GOSR2: variants seen among roughly 807,000 people sequenced by gnomAD.
GOSR2 encodes the protein 27 kDa Golgi SNARE protein.
A neutral mutation model predicts 27.9 loss-of-function variants in GOSR2; 20 were observed. The ratio of observed to expected loss-of-function variants is 0.72; its 90% CI spans 0.50 to 1.04. GOSR2 has a LOEUF of 1.04. Ranked by LOEUF, GOSR2 falls within the 50% of genes least tolerant of loss-of-function variation. GOSR2 has a pLI of 0.00. For synonymous variants in GOSR2, 91 were observed against 98.8 expected, an observed-to-expected ratio of 0.92 and a Z score of 0.47; for missense variants, 261 against 270.5, an observed-to-expected ratio of 0.97 and a Z score of 0.25.
rs2087485301 is a variant in GOSR2 at position 46,932,134 on chromosome 17, C to T, written c.271C>T (p.Arg91Cys). ...QTALRNFQHR[R>C]HAREQQERQR... ...TGCGCTCAGAAACTTCCAGCATCGG[C>T]GCCATGCAAGGGAGCAGCAGGAGAG... The change falls in exon 4 of 6, where the codon CGC becomes TGC. Residue 91 changes from arginine to cysteine, a missense_variant. Arg to Cys is a radical substitution (Grantham distance 180). Coordinates refer to ENST00000640051, the MANE Select transcript of GOSR2 (RefSeq NM_004287.5). The T allele has an allele frequency of 8.7e-6, 14 of 1,613,932 alleles. 1 individual carries two copies. The highest frequency in any genetic ancestry group is 3.3e-5 in the Admixed American group (2 of 60,018).
chr17:46,941,602 C>T lies in GOSR2; in HGVS notation c.*2842C>T, dbSNP rs763378903. 4.7e-5 allele frequency: 10 copies of T among 212,638 alleles called. No individual in the cohort carries two copies. The highest frequency in any genetic ancestry group is 5.7e-5 in the Non-Finnish European group (7 of 123,494). The allele number at this position is 212,638 out of a possible 1,614,324, so 13.2% of individuals were successfully genotyped here. ...TTTTATTTTTTATTTTTGAGACAGT[C>T]TCGCTCTGTCACCCAGGCTGGAGTG... On this transcript the variant is annotated 3_prime_UTR_variant, in exon 6 of 6. Transcript: ENST00000640051.
chr17:46,930,810 A>T (rs1376919816), intron 2 of GOSR2: 8 of 366,020 alleles, frequency 2.2e-5, no homozygotes, highest in Non-Finnish European at 3.0e-5. Flanking sequence ...CAACCTTTGC[A>T]TGTTTATTTT....
At chr17:46,924,347 G>A (rs1294296298) in intron 1 of GOSR2, 1 of 152,418 alleles carries the variant, frequency 6.6e-6, no homozygotes, top group African/African-American at 2.4e-5. Flanking sequence ...ACCACATTTT[G>A]TTATCCATTC....
intron 6 of GOSR2, among the ~76,000 whole-genome samples, chr17:46,950,531 G>A (rs975682056): frequency 2.2e-4 from 33 of 152,234 alleles, no homozygotes; most frequent in Admixed American, 1.0e-3. Flanking sequence ...GGAAATGGAA[G>A]GGTAATTGGA....
intron 1 of GOSR2, among the ~76,000 whole-genome samples, 189 bp from the exon 2 acceptor site, chr17:46,929,331 T>C (rs532139651): frequency 6.6e-6 from 1 of 152,328 alleles, no homozygotes; most frequent in African/African-American, 2.4e-5. Flanking sequence ...ATCAGTGTTA[T>C]TGTTAGTAGT....
At chr17:46,964,486 A>G (rs1363639936) in intron 6 of GOSR2, 2 of 152,394 alleles carry the variant, frequency 1.3e-5, no homozygotes, top group Non-Finnish European at 2.9e-5. Flanking sequence ...AGTGTTCAGC[A>G]CCACGGACAG....
intron 1 of GOSR2, among the ~76,000 whole-genome samples, chr17:46,927,122 G>T (rs2086613710): frequency 6.6e-6 from 1 of 152,088 alleles, no homozygotes; most frequent in Non-Finnish European, 1.5e-5. Flanking sequence ...TGATCTCATT[G>T]CTTTTCATTT....
rs561470914 is a variant in GOSR2 at position 46,940,252 on chromosome 17, T to G, written c.*1492T>G. On this transcript the variant is annotated 3_prime_UTR_variant, in exon 6 of 6. Transcript: ENST00000640051. ...TTTCCTGGATGCTAATTTCACACTT[T>G]CGGTTGGAGGAGATCTCCATTGTTC... 1 of 1,423,616 alleles carries G rather than the reference T, an allele frequency of 7.0e-7. No homozygotes were observed. The highest frequency in any genetic ancestry group is 9.1e-7 in the Non-Finnish European group (1 of 1,093,216). 88.2% of individuals were successfully genotyped at this position (1,423,616 alleles called of 1,614,324 possible).
rs886053081 is a variant in GOSR2, at chr17:46,939,564, A to G, written c.*804A>G. The stretch of plus-strand genomic sequence containing the variant: ...TGTGGGCCTTTGCCCCTTAGAAAGT[A>G]GCTGTAGGCAAAGATTTGTGATTTT... On this transcript the variant is annotated 3_prime_UTR_variant, in exon 6 of 6. Transcript: ENST00000640051. The G allele has an allele frequency of 1.0e-5, 10 of 985,334 alleles. No individual in the cohort carries two copies. The highest frequency in any genetic ancestry group is 1.1e-5 in the Non-Finnish European group (9 of 829,790). 61.0% of individuals were successfully genotyped at this position (985,334 alleles called of 1,614,324 possible). A position where few individuals can be genotyped will look rare whatever the true frequency, so the allele number is the denominator to read the frequency against.
chr17:46,950,866 T>C (rs1341281202), intron 6 of GOSR2, among the ~76,000 whole-genome samples: 2 of 152,184 alleles, frequency 1.3e-5, no homozygotes, highest in African/African-American at 4.8e-5. Flanking sequence ...CAAGCCAGAC[T>C]TTCTGGGGGA....
In GOSR2 at chr17:46,941,346, G is replaced by A; in HGVS notation, c.*2586G>A. On this transcript the variant is annotated 3_prime_UTR_variant, in exon 6 of 6. Transcript: ENST00000640051. The stretch of plus-strand genomic sequence containing the variant: ...AGCACATCAGCTGAATAAAGTTGAG[G>A]TTTATTTTATTTAGAAAATCACATT... 7 of 984,196 alleles carry A rather than the reference G, an allele frequency of 7.1e-6. No individual in the cohort carries two copies. Among genetic ancestry groups the A allele is most frequent in the Non-Finnish European group, 8.4e-6 (7 of 828,880 alleles). The allele number at this position is 984,196 out of a possible 1,614,324, so 61.0% of individuals were successfully genotyped here. A position where few individuals can be genotyped will look rare whatever the true frequency, so the allele number is the denominator to read the frequency against.
intron 6 of GOSR2, among the ~76,000 whole-genome samples, chr17:46,963,347 C>T (rs764756606): frequency 1.6e-4 from 25 of 152,040 alleles, no homozygotes; most frequent in Non-Finnish European, 3.2e-4. Flanking sequence ...GAGTTTGAGA[C>T]CAGCCTGAAC....
chr17:46,934,339 C>G (rs1023273997), intron 4 of GOSR2, among the ~76,000 whole-genome samples: 3 of 151,940 alleles, frequency 2.0e-5, no homozygotes, highest in African/African-American at 7.3e-5. Flanking sequence ...CCTGTCTCTA[C>G]CAAAAATACA....
intron 6 of GOSR2, among the ~76,000 whole-genome samples, chr17:46,975,000 T>C (rs984124219): frequency 6.7e-6 from 1 of 149,626 alleles, no homozygotes; most frequent in Non-Finnish European, 1.5e-5. Context: ...TTTTTTTTTT[T>C]TTTTTTTTTT....
chr17:46,928,334 G>A (rs2086799043), intron 1 of GOSR2, among the ~76,000 whole-genome samples: 1 of 152,156 alleles, frequency 6.6e-6, no homozygotes, highest in Non-Finnish European at 1.5e-5. Flanking sequence ...GTAGATTTGG[G>A]GTCCTGGTTT....
chr17:46,953,268 A>G (rs544647624), intron 6 of GOSR2, among the ~76,000 whole-genome samples: 4 of 151,690 alleles, frequency 2.6e-5, no homozygotes, highest in African/African-American at 9.7e-5. Flanking sequence ...TCATTGTTCA[A>G]TTCCCACCTA....
chr17:46,972,014 G>T (rs879820276), intron 6 of GOSR2, among the ~76,000 whole-genome samples: 2 of 152,170 alleles, frequency 1.3e-5, no homozygotes, highest in Non-Finnish European at 2.9e-5. Context: ...CAGGGCACGT[G>T]GGGGAGAGGG....
chr17:46,940,795 GT>G lies in GOSR2; in HGVS notation c.*2040del. 4 of 1,496,156 alleles carry G rather than the reference GT, an allele frequency of 2.7e-6. No homozygotes were observed. Among genetic ancestry groups the G allele is most frequent in the Non-Finnish European group, 3.6e-6 (4 of 1,124,662 alleles). The allele number at this position is 1,496,156 out of a possible 1,614,324, so 92.7% of individuals were successfully genotyped here. On this transcript the variant is annotated 3_prime_UTR_variant, in exon 6 of 6. Coordinates refer to ENST00000640051, the MANE Select transcript of GOSR2 (RefSeq NM_004287.5). Reference sequence around the variant, plus strand: ...GTTTGGAATAAAAATTGCAGAGGTGGTTTTTGGGTCTTTACCACCTGCGGCT... The same window carrying G: ...GTTTGGAATAAAAATTGCAGAGGTGGTTTTGGGTCTTTACCACCTGCGGCT...
intron 1 of GOSR2, among the ~76,000 whole-genome samples, chr17:46,926,143 A>T (rs1277480971): frequency 1.3e-5 from 2 of 152,110 alleles, no homozygotes; most frequent in Non-Finnish European, 2.9e-5. Flanking sequence ...TGAACAGCGG[A>T]GCTTAAGAAC....
Sources: gnomAD v4.1 joint callset for allele counts (sites outside exome capture counted in the v4.1 genomes callset) on GRCh38, gnomAD v4.1.1 for gene constraint, MANE v1.5 for transcripts, NCBI Gene and HGNC (gene_info 2026-07-23, HGNC 2026-07-21) for gene names.